Variants in TENM2 observed in about 807,000 individuals in gnomAD.
TENM2 encodes the protein teneurin-2.
A neutral mutation model predicts 245.2 loss-of-function variants in TENM2; 52 were observed. That is an observed-to-expected ratio of 0.21 (90% CI 0.17 to 0.27). The LOEUF (loss-of-function observed/expected upper bound fraction) is 0.27. Ranked by LOEUF, TENM2 falls within the 10% of genes least tolerant of loss-of-function variation. The probability of loss-of-function intolerance (pLI) is 1.00; values close to 1 mark genes in which losing one functional copy is unlikely to be tolerated. For synonymous variants in TENM2, 1,363 were observed against 1,438.9 expected (o/e 0.95, Z 1.19); for missense variants, 3,046 against 3,666.8 (o/e 0.83, Z 4.37).
At chr5:167,310,283 G>T (rs1438968663) in intron 1 of TENM2, among the ~76,000 whole-genome samples, 1 of 152,126 alleles carries the variant, frequency 6.6e-6, no homozygotes, top group South Asian at 2.1e-4. Flanking sequence ...GCAATTTTTT[G>T]CTTACATTTT....
chr5:167,374,878 A>C (rs13157095), intron 1 of TENM2, among the ~76,000 whole-genome samples: 27,341 of 152,138 alleles, frequency 0.18, 2,538 homozygotes, highest in African/African-American at 0.19. Context: ...CACTTGGTGT[A>C]TATTAGCTAT....
chr5:167,228,865 C>T, the TENM2 span, among the ~76,000 whole-genome samples: 43 of 152,198 alleles, frequency 2.8e-4, no homozygotes, highest in East Asian at 5.4e-3. Context: ...CCACCACGCC[C>T]GGCTACTTTT....
intron 6 of TENM2, among the ~76,000 whole-genome samples, chr5:168,058,379 T>G (rs1284984224): frequency 6.6e-6 from 1 of 152,132 alleles, no homozygotes; most frequent in Admixed American, 6.5e-5. Flanking sequence ...CTGCCTGACC[T>G]CAGGGAGCAC....
the TENM2 span, among the ~76,000 whole-genome samples, chr5:167,020,562 C>G: frequency 6.6e-6 from 1 of 152,172 alleles, no homozygotes; most frequent in Non-Finnish European, 1.5e-5. Flanking sequence ...ACCTGAACTT[C>G]TCAGCTATAA....
chr5:168,259,285 C>G lies in TENM2; in HGVS notation c.7433-998C>G, dbSNP rs574563277. On this transcript the variant is annotated intron_variant, in intron 27 of 28. Coordinates refer to ENST00000518659, the Ensembl canonical transcript of TENM2. ...CAGTCAGTACCCTTTCTTGGTTTCT[C>G]TTTAAAGAGTAGGAAGGCTGGGCCG... 2.7e-5 allele frequency among the ~76,000 whole-genome samples: 4 copies of G among 150,634 alleles called. No homozygotes were observed. The East Asian group carries it at 8.0e-4, about 30-fold the overall frequency.
At chr5:167,595,283 T>C (rs1006064768) in intron 2 of TENM2, among the ~76,000 whole-genome samples, 14 of 152,206 alleles carry the variant, frequency 9.2e-5, no homozygotes, top group Non-Finnish European at 1.9e-4. Context: ...TTTTTACCTT[T>C]GTTAGTCATT....
At chr5:167,258,609 C>A in the TENM2 span, among the ~76,000 whole-genome samples, 2 of 152,132 alleles carry the variant, frequency 1.3e-5, no homozygotes, top group Non-Finnish European at 2.9e-5. Context: ...TATATCATTT[C>A]TTCAAGGTGA....
chr5:167,108,784 A>C, the TENM2 span, among the ~76,000 whole-genome samples: 1 of 152,236 alleles, frequency 6.6e-6, no homozygotes, highest in African/African-American at 2.4e-5. Flanking sequence ...CCATTTTTAA[A>C]TCAGTACTCA....
chr5:168,253,376 A>ACGG, intron 27 of TENM2, among the ~76,000 whole-genome samples: 1 of 152,152 alleles, frequency 6.6e-6, no homozygotes, highest in Non-Finnish European at 1.5e-5. Flanking sequence ...GCACAGAGCA[A>ACGG]AGGCTAATAA....
chr5:167,132,238 A>G, the TENM2 span, among the ~76,000 whole-genome samples: 12 of 152,288 alleles, frequency 7.9e-5, no homozygotes, highest in Admixed American at 2.0e-4. Flanking sequence ...AATTTTATGT[A>G]TGCGTACACC....
chr5:167,396,243 T>A (rs557250595), intron 2 of TENM2, among the ~76,000 whole-genome samples: 16 of 151,982 alleles, frequency 1.1e-4, no homozygotes, highest in Non-Finnish European at 2.2e-4. Flanking sequence ...ATAAAGAAAA[T>A]GTGGTGTATA....
intron 24 of TENM2, 51 bp downstream of exon 26, chr5:168,226,314 A>C (rs1204825638): frequency 1.9e-6 from 3 of 1,554,762 alleles, no homozygotes; most frequent in Non-Finnish European, 2.6e-6. Flanking sequence ...ATAGACCCAG[A>C]ACCCAGCCAA....
rs377442142 is a variant in TENM2, at chr5:167,783,454, G to A, written c.503-92532G>A. Among the ~76,000 whole-genome samples the A allele has an allele frequency of 7.9e-5, 12 of 152,258 alleles. No homozygotes were observed. The East Asian group carries it at 1.4e-3, about 17-fold the overall frequency. On this transcript the variant is annotated intron_variant, in intron 2 of 28. Coordinates refer to ENST00000518659, the Ensembl canonical transcript of TENM2. ...AGAGTACAATATTTCAGAAGGAAGG[G>A]TTTCTGAACCCCAGTTTAACAAGCC... is the stretch of plus-strand genomic sequence containing the variant.
intron 2 of TENM2, among the ~76,000 whole-genome samples, chr5:167,525,099 G>A (rs1044930139): frequency 6.6e-6 from 1 of 151,852 alleles, no homozygotes; most frequent in Non-Finnish European, 1.5e-5. Flanking sequence ...AACTGTGTTG[G>A]CCAGTTGCCA....
intron 3 of TENM2, among the ~76,000 whole-genome samples, chr5:167,925,786 A>G (rs1206301125): frequency 6.6e-6 from 1 of 152,254 alleles, no homozygotes; most frequent in Admixed American, 6.5e-5. Flanking sequence ...GAGAAGTACA[A>G]GATCACGTCT....
At chr5:167,447,193 A>C (rs1288575298) in intron 2 of TENM2, among the ~76,000 whole-genome samples, 1 of 152,160 alleles carries the variant, frequency 6.6e-6, no homozygotes, top group Non-Finnish European at 1.5e-5. Flanking sequence ...CCTCAGCCTC[A>C]ATTTCTATCC....
intron 4 of TENM2, among the ~76,000 whole-genome samples, chr5:167,954,764 G>A (rs1359285123): frequency 9.9e-5 from 15 of 152,182 alleles, no homozygotes; most frequent in South Asian, 8.3e-4. Flanking sequence ...ATGGTTTCCC[G>A]CTTCATTCAT....
intron 2 of TENM2, among the ~76,000 whole-genome samples, chr5:167,634,913 C>T (rs564463815): frequency 1.4e-4 from 22 of 152,260 alleles, no homozygotes; most frequent in Non-Finnish European, 2.6e-4. Context: ...ATGAACATAA[C>T]TAAAAATTTA....
chr5:167,322,270 GA>G (rs563404481), intron 1 of TENM2, among the ~76,000 whole-genome samples: 1 of 150,506 alleles, frequency 6.6e-6, no homozygotes, highest in African/African-American at 2.4e-5. Flanking sequence ...TGTTTTGAAA[GA>G]AAAAACATCT....
Sources: allele counts gnomAD v4.1 joint callset (sites outside exome capture counted in the v4.1 genomes callset), GRCh38; gene constraint gnomAD v4.1.1; transcripts MANE v1.5; gene names NCBI Gene and HGNC (gene_info 2026-07-23, HGNC 2026-07-21).